The following USP14 variants were observed in gnomAD, a reference collection of about 807,000 sequenced individuals.
The protein encoded by USP14 is ubiquitin specific peptidase 14, also known as ubiquitin carboxyl-terminal hydrolase 14.
In USP14, 38 loss-of-function variants were observed where a neutral mutation model predicts 76.5. The observed-to-expected ratio is 0.50, with a 90% CI of 0.38 to 0.65. The LOEUF (loss-of-function observed/expected upper bound fraction) is 0.65, where lower values mean the gene tolerates loss of function less well. Among genes scored for constraint, USP14 ranks in the 30% least tolerant of loss-of-function variants. USP14 has a pLI of 0.00. For missense variants in USP14, 467 were observed against 586.5 expected (o/e 0.80, Z 2.10); for synonymous variants, 192 against 191.7 (o/e 1.00, Z -0.01).
Position 166,826 on chromosome 18 carries a change from A to G in USP14, c.195+7A>G. ...AAACATCAAAATAAAAAATGTAAGT[A>G]TTATCTTATGAACGTTTATTATAAT... On this transcript the variant is annotated splice_region_variant and intron_variant, in intron 3 of 15. Coordinates refer to ENST00000261601, the MANE Select transcript of USP14 (RefSeq NM_005151.4). 1.2e-6 allele frequency: 2 copies of G among 1,609,362 alleles called. No homozygotes were observed. Among genetic ancestry groups the G allele is most frequent in the East Asian group, 4.5e-5 (2 of 44,766 alleles).
rs1324510937 is a variant in USP14 at position 213,432 on chromosome 18, G to GTT, written c.*2149_*2150dup. On this transcript the variant is annotated 3_prime_UTR_variant, in exon 16 of 16. Coordinates refer to ENST00000261601, the MANE Select transcript of USP14 (RefSeq NM_005151.4). ...TTTTTTCAAGTAGAAATGGGAGTTA[G>GTT]TTATACCAGTGTTGTTTTTAACTAA... 6.6e-6 allele frequency: 1 copy of GTT among 152,032 alleles called. No individual in the cohort carries two copies. Among genetic ancestry groups the GTT allele is most frequent in the Non-Finnish European group, 1.5e-5 (1 of 67,970 alleles). 9.4% of individuals were successfully genotyped at this position (152,032 alleles called of 1,614,324 possible). A position where few individuals can be genotyped will look rare whatever the true frequency, so the allele number is the denominator to read the frequency against.
intron 3 of USP14, 73 bp downstream of exon 3, chr18:166,892 C>T (rs1909288068): frequency 7.1e-7 from 1 of 1,404,256 alleles, no homozygotes; most frequent in Non-Finnish European, 9.9e-7. Flanking sequence ...TTCCAGATGA[C>T]TTTTTTTCAT....
At chr18:205,782 A>T (rs1446044807) in intron 13 of USP14, among the ~76,000 whole-genome samples, 5 of 150,188 alleles carry the variant, frequency 3.3e-5, no homozygotes, top group Admixed American at 2.0e-4. Context: ...CTCTGTTTCT[A>T]AAAAAAAATT....
intron 3 of USP14, among the ~76,000 whole-genome samples, chr18:170,984 C>T (rs1015654179): frequency 3.0e-5 from 4 of 134,732 alleles, no homozygotes; most frequent in Non-Finnish European, 4.6e-5. Flanking sequence ...CAAGCATGCA[C>T]ATCCTGGACA....
At chr18:200,093 G>T (rs531408960) in intron 10 of USP14, among the ~76,000 whole-genome samples, 1 of 152,308 alleles carries the variant, frequency 6.6e-6, no homozygotes, top group African/African-American at 2.4e-5. Context: ...GAAGCACCTA[G>T]TGCTTTGTGC....
At chr18:171,051 TATATA>T (rs1909448045) in intron 3 of USP14, among the ~76,000 whole-genome samples, 6 of 134,094 alleles carry the variant, frequency 4.5e-5, no homozygotes, top group African/African-American at 1.7e-4. Context: ...TATATATATA[TATATA>T]AACTGAAGCT....
chr18:175,024 TGAGCTCCCAA>T (rs1909589601), intron 3 of USP14, among the ~76,000 whole-genome samples: 1 of 152,108 alleles, frequency 6.6e-6, no homozygotes, highest in Non-Finnish European at 1.5e-5. Context: ...CCTTCTGCCT[TGAGCTCCCAA>T]AGTGCTGGGA....
At chr18:175,052 C>T (rs1280515741) in intron 3 of USP14, among the ~76,000 whole-genome samples, 9 of 151,656 alleles carry the variant, frequency 5.9e-5, no homozygotes, top group African/African-American at 1.2e-4. Context: ...GGATTACAAG[C>T]GTGAGCCACT....
intron 13 of USP14, among the ~76,000 whole-genome samples, chr18:205,075 C>G (rs1326170012): frequency 6.6e-6 from 1 of 151,962 alleles, no homozygotes; most frequent in African/African-American, 2.4e-5. Context: ...AGGGTTTTGC[C>G]ATGTTGCTGA....
intron 10 of USP14, among the ~76,000 whole-genome samples, chr18:201,028 C>G (rs1337455878): frequency 6.6e-6 from 1 of 152,132 alleles, no homozygotes; most frequent in South Asian, 2.1e-4. Context: ...GTCTCAATCT[C>G]CTGACCTTGT....
In USP14 at chr18:192,211, T is replaced by G. The variant is rs566037228; in HGVS notation, c.405-631T>G. On this transcript the variant is annotated intron_variant, in intron 5 of 15. Transcript: ENST00000261601. ...ATTTCTTCCAAGTTATTTCAGAGAT[T>G]GTGTTATTTTATTTTCTTTGTAATT... 9.6e-5 allele frequency among the ~76,000 whole-genome samples: 13 copies of G among 135,870 alleles called. No individual in the cohort carries two copies. The South Asian group carries it at 2.8e-3, about 30-fold the overall frequency. 89.1% of individuals were successfully genotyped at this position (135,870 alleles called of 152,430 possible).
intron 12 of USP14, 27 bp from the exon 13 acceptor site, chr18:204,537 A>G: frequency 1.3e-6 from 2 of 1,519,224 alleles, no homozygotes; most frequent in Non-Finnish European, 1.8e-6. Context: ...ATGTGTTTAC[A>G]CATGTTTTTT....
At chr18:206,955 A>G (rs920040414) in intron 13 of USP14, among the ~76,000 whole-genome samples, 12 of 152,136 alleles carry the variant, frequency 7.9e-5, no homozygotes, top group Non-Finnish European at 4.4e-5. Context: ...TAGTTCTTCC[A>G]TTTAGGTCTT....
chr18:166,402 G>A (rs894311280), intron 2 of USP14, among the ~76,000 whole-genome samples: 5 of 150,922 alleles, frequency 3.3e-5, no homozygotes, highest in East Asian at 2.0e-4. Context: ...GTGAGATCTC[G>A]GCTCACTGTA....
chr18:183,702 TC>T (rs1476889172), intron 5 of USP14, among the ~76,000 whole-genome samples: 1 of 152,048 alleles, frequency 6.6e-6, no homozygotes, highest in Non-Finnish European at 1.5e-5. Context: ...TGGATCTAAA[TC>T]CTGCTTTTAT....
At chr18:195,276 T>C (rs1910199890) in intron 6 of USP14, among the ~76,000 whole-genome samples, 1 of 152,160 alleles carries the variant, frequency 6.6e-6, no homozygotes, top group Non-Finnish European at 1.5e-5. Context: ...AGCTTGGTAG[T>C]GATGCCCAAA....
intron 13 of USP14, among the ~76,000 whole-genome samples, chr18:204,896 T>A (rs1910487405): frequency 6.6e-6 from 1 of 151,892 alleles, no homozygotes; most frequent in African/African-American, 2.4e-5. Flanking sequence ...TGCATGTGTT[T>A]TATTTTCCTT....
chr18:173,358 G>A (rs911840403), intron 3 of USP14, among the ~76,000 whole-genome samples: 5 of 151,238 alleles, frequency 3.3e-5, no homozygotes, highest in South Asian at 2.1e-4. Flanking sequence ...TGATCAGCCC[G>A]CCTTGGCCTC....
chr18:169,130 C>G (rs1909365531), intron 3 of USP14, among the ~76,000 whole-genome samples: 1 of 149,266 alleles, frequency 6.7e-6, no homozygotes, highest in Non-Finnish European at 1.5e-5. Flanking sequence ...GTGGCTCACA[C>G]CTGTAATCCC....
Sources: allele counts gnomAD v4.1 joint callset (sites outside exome capture counted in the v4.1 genomes callset), GRCh38; gene constraint gnomAD v4.1.1; transcripts MANE v1.5; gene names NCBI Gene and HGNC (gene_info 2026-07-23, HGNC 2026-07-21).